The following PRKAG2 variants were observed in gnomAD, a reference collection of about 807,000 sequenced individuals.
PRKAG2 encodes protein kinase AMP-activated non-catalytic subunit gamma 2, also known as 5'-AMP-activated protein kinase subunit gamma-2.
In PRKAG2, 26 loss-of-function variants were observed where a neutral mutation model predicts 69.6. That is an observed-to-expected ratio of 0.37 (90% confidence interval 0.27 to 0.52). The LOEUF (loss-of-function observed/expected upper bound fraction) is 0.52. PRKAG2 is among the 20% of genes least tolerant of loss of function. PRKAG2 has a pLI of 0.90. For synonymous variants in PRKAG2, 293 were observed against 285.0 expected (o/e 1.03, Z -0.28); for missense variants, 557 against 740.0 (o/e 0.75, Z 2.87).
chr7:151,632,386 C>T lies in PRKAG2; in HGVS notation c.685-248G>A, dbSNP rs1215459602. On this transcript the variant is annotated intron_variant, in intron 4 of 15. Transcript: ENST00000287878. The surrounding 1 kb of genome is among the most constrained non-coding windows in gnomAD (Gnocchi z 4.2). ...GTGCCCCTCCGCGAGTGGGACGCGC[C>T]GCTCCCCCCCGCGCCTTGGTACGGC... 4.3e-6 allele frequency: 2 copies of T among 460,470 alleles called. No individual in the cohort carries two copies. The highest frequency in any genetic ancestry group is 4.3e-5 in the African/African-American group (2 of 46,708). The allele number at this position is 460,470 out of a possible 1,614,324, so 28.5% of individuals were successfully genotyped here. A position where few individuals can be genotyped will look rare whatever the true frequency, so the allele number is the denominator to read the frequency against.
intron 5 of PRKAG2, among the ~76,000 whole-genome samples, chr7:151,631,369 G>A (rs1348983501): frequency 6.6e-6 from 1 of 152,142 alleles, no homozygotes; most frequent in African/African-American, 2.4e-5. Flanking sequence ...TAAGATCCTG[G>A]TGAAAGCTCG....
At chr7:151,779,065 TTATC>T (rs1347130425) in intron 3 of PRKAG2, among the ~76,000 whole-genome samples, 2 of 152,208 alleles carry the variant, frequency 1.3e-5, no homozygotes, top group African/African-American at 2.4e-5. Flanking sequence ...CTAGCTTTGA[TTATC>T]TGTCTGTCTG....
intron 5 of PRKAG2, among the ~76,000 whole-genome samples, chr7:151,609,226 T>C (rs1390309453): frequency 6.6e-6 from 1 of 152,232 alleles, no homozygotes; most frequent in African/African-American, 2.4e-5. Context: ...TGGACAAGTA[T>C]GTTTCAGAGA....
chr7:151,873,022 T>G (rs564074548), intron 1 of PRKAG2, among the ~76,000 whole-genome samples: 2 of 152,366 alleles, frequency 1.3e-5, no homozygotes, highest in Admixed American at 1.3e-4. Context: ...GTATGGCGCA[T>G]ACCTATGCTA....
intron 6 of PRKAG2, among the ~76,000 whole-genome samples, chr7:151,584,821 C>G (rs897509984): frequency 6.6e-6 from 1 of 152,186 alleles, no homozygotes; most frequent in African/African-American, 2.4e-5. Context: ...CGCTTGAGCC[C>G]AGGAACTGGG....
intron 3 of PRKAG2, among the ~76,000 whole-genome samples, chr7:151,725,351 A>G (rs1563529780): frequency 1.3e-5 from 2 of 152,098 alleles, no homozygotes; most frequent in Non-Finnish European, 2.9e-5. Flanking sequence ...GCATAGAGAC[A>G]GGAAGTAGAA....
intron 6 of PRKAG2, among the ~76,000 whole-genome samples, chr7:151,581,441 C>T (rs751866724): frequency 9.9e-5 from 15 of 152,160 alleles, no homozygotes; most frequent in East Asian, 5.8e-4. Context: ...GATGAGACCA[C>T]GTGAGAGCCA....
intron 4 of PRKAG2, among the ~76,000 whole-genome samples, chr7:151,635,577 A>G (rs1022431540): frequency 1.2e-4 from 18 of 152,232 alleles, no homozygotes; most frequent in Admixed American, 3.3e-4. Context: ...TGAGGGGGAA[A>G]AAGCCAGTCC....
chr7:151,647,742 G>C (rs1827806981), intron 4 of PRKAG2, among the ~76,000 whole-genome samples: 1 of 152,188 alleles, frequency 6.6e-6, no homozygotes, highest in South Asian at 2.1e-4. Flanking sequence ...AGGATTGCAT[G>C]TAAGAAGTGA....
chr7:151,856,083 G>C (rs2079768457), intron 1 of PRKAG2, among the ~76,000 whole-genome samples: 1 of 152,188 alleles, frequency 6.6e-6, no homozygotes, highest in East Asian at 1.9e-4. Context: ...GAAGAAAGAA[G>C]ATTTCTTAAA....
chr7:151,679,510 G>C (rs990306690), intron 3 of PRKAG2, among the ~76,000 whole-genome samples: 2 of 152,120 alleles, frequency 1.3e-5, no homozygotes, highest in African/African-American at 4.8e-5. Context: ...ACTTCCCGGG[G>C]GCTGTGCCCC....
Position 151,559,818 on chromosome 7 carries a change from C to T in PRKAG2, c.1678+706G>A, listed in dbSNP as rs1804513800. ...CAAAGGCTGGGTTGTTCATATTTGA[C>T]TGGGGCTGGGGAGGTGGAGGGATGG... On this transcript the variant is annotated intron_variant, in intron 15 of 15. Transcript: ENST00000287878. 3.0e-6 allele frequency: 3 copies of T among 984,984 alleles called. No homozygotes were observed. In the African/African-American group the frequency reaches 5.3e-5, roughly 17 times the overall value. 61.0% of individuals were successfully genotyped at this position (984,984 alleles called of 1,614,324 possible).
At chr7:151,581,529 ATGAC>A (rs1810468590) in intron 6 of PRKAG2, among the ~76,000 whole-genome samples, 1 of 149,872 alleles carries the variant, frequency 6.7e-6, no homozygotes, top group Non-Finnish European at 1.5e-5. Context: ...CAAGACATAA[ATGAC>A]TGAGCACAGT....
At chr7:151,565,210 AATTCTGATAAT>A (rs1805966375) in intron 13 of PRKAG2, 125 bp downstream of exon 13, 1 of 711,876 alleles carries the variant, frequency 1.4e-6, no homozygotes, top group Admixed American at 4.0e-5. Flanking sequence ...AGGTCTATAA[AATTCTGATAAT>A]ATCCTCACAC....
intron 3 of PRKAG2, among the ~76,000 whole-genome samples, chr7:151,740,203 G>A (rs2073780647): frequency 6.6e-6 from 1 of 152,224 alleles, no homozygotes; most frequent in South Asian, 2.1e-4. Flanking sequence ...CTGGTTAGCT[G>A]CAGCCAACAG....
intron 1 of PRKAG2, among the ~76,000 whole-genome samples, chr7:151,855,077 ATCC>A (rs2079688335): frequency 2.6e-5 from 1 of 38,350 alleles, no homozygotes; most frequent in Admixed American, 3.1e-4. Context: ...CACACACACC[ATCC>A]TCCACACACA....
intron 15 of PRKAG2, chr7:151,557,449 G>A: frequency 1.0e-6 from 1 of 984,982 alleles, no homozygotes; most frequent in Non-Finnish European, 1.2e-6. Flanking sequence ...TTCTAAATAT[G>A]TCAGATTTAA....
intron 3 of PRKAG2, among the ~76,000 whole-genome samples, chr7:151,721,189 A>C (rs1219222824): frequency 2.0e-5 from 3 of 151,900 alleles, no homozygotes; most frequent in Non-Finnish European, 4.4e-5. Context: ...GCAGCCGCCC[A>C]GCACTCAGGC....
At chr7:151,736,383 C>CTTTTT in intron 3 of PRKAG2, 1 of 914,432 alleles carries the variant, frequency 1.1e-6, no homozygotes, top group Non-Finnish European at 1.3e-6. Context: ...CTCTCCAGGG[C>CTTTTT]TTTTTTTTTT....
Sources: allele counts gnomAD v4.1 joint callset (sites outside exome capture counted in the v4.1 genomes callset), GRCh38; gene constraint gnomAD v4.1.1; non-coding constraint Gnocchi (gnomAD v3.1); transcripts MANE v1.5; gene names NCBI Gene and HGNC (gene_info 2026-07-23, HGNC 2026-07-21).